FBN2: variants seen among roughly 807,000 people sequenced by gnomAD.
FBN2 encodes fibrillin 2, also known as fibrillin-2.
A neutral mutation model predicts 355.6 loss-of-function variants in FBN2; 105 were observed. That is an observed-to-expected ratio of 0.30 (90% CI 0.25 to 0.35). FBN2 has a LOEUF of 0.35. Among genes scored for constraint, FBN2 ranks in the 10% least tolerant of loss-of-function variants. The probability of loss-of-function intolerance (pLI) is 1.00; values close to 1 mark genes in which losing one functional copy is unlikely to be tolerated. For missense variants in FBN2, 3,280 were observed against 3,758.7 expected, an observed-to-expected ratio of 0.87 and a Z score of 3.33; for synonymous variants, 1,350 against 1,301.2, an observed-to-expected ratio of 1.04 and a Z score of -0.81.
chr5:128,341,681 C>T (rs952262686), intron 25 of FBN2, among the ~76,000 whole-genome samples: 3 of 152,202 alleles, frequency 2.0e-5, no homozygotes, highest in Non-Finnish European at 4.4e-5. Flanking sequence ...CTGAGGACTT[C>T]AGTGGGACTG....
intron 5 of FBN2, among the ~76,000 whole-genome samples, chr5:128,494,232 GC>G (rs1349414007): frequency 1.3e-5 from 2 of 152,138 alleles, no homozygotes; most frequent in Non-Finnish European, 1.5e-5. Context: ...AGAAAGGCAG[GC>G]CCATAAGAAG....
chr5:128,374,866 G>T, intron 14 of FBN2, 116 bp from the exon 15 acceptor site: 1 of 1,110,088 alleles, frequency 9.0e-7, no homozygotes, highest in Non-Finnish European at 1.3e-6. Context: ...TTTATAATTT[G>T]TGAAGAACAA....
At chr5:128,516,023 C>T (rs1756271977) in intron 5 of FBN2, among the ~76,000 whole-genome samples, 2 of 152,084 alleles carry the variant, frequency 1.3e-5, no homozygotes, top group Non-Finnish European at 2.9e-5. Context: ...TCCTTTAAGT[C>T]AAAAAAGTTG....
chr5:128,316,990 T>G (rs920455846), intron 36 of FBN2, among the ~76,000 whole-genome samples: 2 of 152,120 alleles, frequency 1.3e-5, no homozygotes, highest in Admixed American at 6.5e-5. Context: ...CTCTGATTCC[T>G]CTCCTCATCC....
chr5:128,362,017 C>G (rs1487484223), intron 18 of FBN2, among the ~76,000 whole-genome samples, 169 bp from the exon 19 acceptor site: 1 of 152,166 alleles, frequency 6.6e-6, no homozygotes, highest in African/African-American at 2.4e-5. Context: ...TAGTTTTATT[C>G]AAATGGGATA....
intron 11 of FBN2, among the ~76,000 whole-genome samples, chr5:128,386,748 T>G (rs1752375984): frequency 6.6e-6 from 1 of 152,150 alleles, no homozygotes; most frequent in Non-Finnish European, 1.5e-5. Context: ...CATTTATTGA[T>G]TTGCATATGC....
intron 7 of FBN2, among the ~76,000 whole-genome samples, chr5:128,441,568 T>C (rs143577899): frequency 6.6e-6 from 1 of 152,332 alleles, no homozygotes; most frequent in African/African-American, 2.4e-5. Flanking sequence ...AGATAACCCA[T>C]GTAAAGTAGT....
chr5:128,469,298 T>C (rs1754792848), intron 5 of FBN2, among the ~76,000 whole-genome samples: 1 of 151,582 alleles, frequency 6.6e-6, no homozygotes, highest in Non-Finnish European at 1.5e-5. Context: ...AGAGAGGAGA[T>C]TGGTGAAGGA....
rs1319972759 is a variant in FBN2, at chr5:128,335,947, T to G, written c.3724+41A>C. ...GCGCCAAAAGTTTTCCTAGGCTGAT[T>G]TGAGACATATGAGTTTCAGGCCTGC... is the stretch of plus-strand genomic sequence containing the variant. On this transcript the variant is annotated intron_variant, in intron 28 of 64. Coordinates refer to ENST00000262464, the MANE Select transcript of FBN2 (RefSeq NM_001999.4). The G allele has an allele frequency of 7.4e-6, 12 of 1,610,766 alleles. No homozygotes were observed. The Admixed American group carries it at 2.0e-4, about 27-fold the overall frequency.
At chr5:128,312,047 T>G (rs1181448654) in intron 37 of FBN2, 94 bp from the exon 38 acceptor site, 2 of 828,504 alleles carry the variant, frequency 2.4e-6, no homozygotes, top group Non-Finnish European at 4.1e-6. Flanking sequence ...CTCAATATAC[T>G]CATCCTAAGG....
intron 5 of FBN2, among the ~76,000 whole-genome samples, chr5:128,492,149 G>T (rs941239217): frequency 2.0e-5 from 3 of 152,096 alleles, no homozygotes; most frequent in Admixed American, 2.0e-4. Context: ...AGATTATTCT[G>T]CAATTATTCA....
At chr5:128,424,363 G>A (rs569321180) in intron 7 of FBN2, among the ~76,000 whole-genome samples, 2 of 152,088 alleles carry the variant, frequency 1.3e-5, no homozygotes, top group African/African-American at 4.8e-5. Context: ...AGAAAACAGA[G>A]AATGATTAGG....
rs863223553 is a variant in FBN2, at chr5:128,377,788, C to T, written c.1813G>A (p.Gly605Ser). The change falls in exon 13 of 65, where the codon GGC becomes AGC. Residue 605 changes from glycine (G) to serine (S), a missense_variant. Physicochemically the swap from Gly to Ser is moderately conservative, Grantham distance 56 (BLOSUM62 0). Transcript: ENST00000262464. ...TTTCCATCTGTAGTTAATTCAAAGC[C>T]GGCATTGCAAATGCACTGGAAACTT... ...DGSFQCICNA[G>S]FELTTDGKNC... is the part of the protein sequence containing the mutation. 3 of 1,613,384 alleles carry T rather than the reference C, an allele frequency of 1.9e-6. No homozygotes were observed. Among genetic ancestry groups the T allele is most frequent in the African/African-American group, 1.3e-5 (1 of 74,848 alleles).
chr5:128,406,294 C>T (rs1039471040), intron 8 of FBN2, among the ~76,000 whole-genome samples: 2 of 152,214 alleles, frequency 1.3e-5, no homozygotes, highest in African/African-American at 4.8e-5. Flanking sequence ...CTTAACTACA[C>T]TTATCACACA....
intron 30 of FBN2, 124 bp downstream of exon 30, chr5:128,335,045 TA>T: frequency 7.2e-7 from 1 of 1,396,130 alleles, no homozygotes; most frequent in South Asian, 1.2e-5. Flanking sequence ...TTTACAGTTC[TA>T]GTAAAATGAT....
intron 5 of FBN2, among the ~76,000 whole-genome samples, chr5:128,475,749 A>G (rs1754992412): frequency 6.6e-6 from 1 of 152,212 alleles, no homozygotes; most frequent in South Asian, 2.1e-4. Flanking sequence ...TTCCATTTCC[A>G]GAAAGAACAG....
At chr5:128,331,108 G>A (rs570503739) in intron 32 of FBN2, among the ~76,000 whole-genome samples, 228 of 152,260 alleles carry the variant, frequency 1.5e-3, no homozygotes, top group African/African-American at 5.3e-3. Flanking sequence ...ACAGAGATAT[G>A]ATTCTTGACC....
At chr5:128,482,716 C>T (rs1016150365) in intron 5 of FBN2, among the ~76,000 whole-genome samples, 8 of 151,896 alleles carry the variant, frequency 5.3e-5, no homozygotes, top group African/African-American at 1.9e-4. Flanking sequence ...TAATCTTTTC[C>T]ATGTCACCTG....
At chr5:128,526,594 C>A (rs902103729) in intron 4 of FBN2, among the ~76,000 whole-genome samples, 1 of 152,038 alleles carries the variant, frequency 6.6e-6, no homozygotes, top group African/African-American at 2.4e-5. Flanking sequence ...CACGGATGAA[C>A]CTTGAGGGCA....
Sources: allele counts gnomAD v4.1 joint callset (sites outside exome capture counted in the v4.1 genomes callset), GRCh38; gene constraint gnomAD v4.1.1; transcripts MANE v1.5; gene names NCBI Gene and HGNC (gene_info 2026-07-23, HGNC 2026-07-21).